THSD7A: variants seen among roughly 807,000 people sequenced by gnomAD.
THSD7A encodes the protein thrombospondin type 1 domain containing 7A, also known as thrombospondin type-1 domain-containing protein 7A.
In THSD7A, 96 loss-of-function variants were observed where a neutral mutation model predicts 231.3. That is an observed-to-expected ratio of 0.41 (90% CI 0.35 to 0.49). THSD7A has a LOEUF of 0.49. Among genes scored for constraint, THSD7A ranks in the 20% least tolerant of loss-of-function variants. THSD7A has a pLI of 0.05. For missense variants in THSD7A, 2,290 were observed against 2,070.2 expected (o/e 1.11, Z -2.06); for synonymous variants, 940 against 743.3 (o/e 1.26, Z -4.30).
intron 16 of THSD7A, among the ~76,000 whole-genome samples, chr7:11,420,060 A>G (rs1025198776): frequency 6.6e-6 from 1 of 152,232 alleles, no homozygotes; most frequent in Non-Finnish European, 1.5e-5. Context: ...ATATTTAAAA[A>G]GTAAGAAGAG....
chr7:11,593,887 C>T (rs776504430), intron 2 of THSD7A, among the ~76,000 whole-genome samples: 1 of 152,030 alleles, frequency 6.6e-6, no homozygotes, highest in Non-Finnish European at 1.5e-5. Flanking sequence ...AGTAAATATG[C>T]CTGCGTAAGT....
intron 1 of THSD7A, among the ~76,000 whole-genome samples, chr7:11,714,120 G>T (rs968744799): frequency 6.6e-6 from 1 of 151,128 alleles, no homozygotes; most frequent in Non-Finnish European, 1.5e-5. Flanking sequence ...GGAAAACGAT[G>T]TTTTCAAGGC....
chr7:11,389,460 T>G (rs1224891788), intron 23 of THSD7A, among the ~76,000 whole-genome samples: 3 of 85,202 alleles, frequency 3.5e-5, no homozygotes, highest in African/African-American at 1.1e-4. Flanking sequence ...TTTTTTTTTT[T>G]GCTATTTGCT....
chr7:11,826,898 G>A (rs1785048290), intron 1 of THSD7A, among the ~76,000 whole-genome samples: 1 of 151,504 alleles, frequency 6.6e-6, no homozygotes, highest in Non-Finnish European at 1.5e-5. Flanking sequence ...TAAATGCTAT[G>A]CCTCTTGTGT....
intron 1 of THSD7A, among the ~76,000 whole-genome samples, chr7:11,737,469 C>A (rs559851313): frequency 6.5e-4 from 99 of 152,074 alleles, no homozygotes; most frequent in African/African-American, 2.1e-3. Context: ...ATGCCTGTGC[C>A]CCGTCCTAGA....
At position 11,814,875 on chromosome 7, in the gene THSD7A, T is replaced by A. The variant is rs963577169; in HGVS notation, c.190+16882A>T. On this transcript the variant is annotated intron_variant, in intron 1 of 27. Coordinates refer to ENST00000423059, the MANE Select transcript of THSD7A (RefSeq NM_015204.3). The surrounding 1 kb of genome is among the most constrained non-coding windows in gnomAD (Gnocchi z 5.1). ...AGTGATTGGATCTTCTGATCTTTGCTGCATTTCTGTGATTATCTGTGCCAG... is the reference window on the plus strand; with the variant it reads ...AGTGATTGGATCTTCTGATCTTTGCAGCATTTCTGTGATTATCTGTGCCAG... Among the ~76,000 whole-genome samples, 2 of 152,132 alleles carry A rather than the reference T, an allele frequency of 1.3e-5. No individual in the cohort carries two copies. The highest frequency in any genetic ancestry group is 1.3e-4 in the Admixed American group (2 of 15,274).
intron 6 of THSD7A, among the ~76,000 whole-genome samples, chr7:11,501,656 T>A (rs563001094): frequency 6.6e-6 from 1 of 152,226 alleles, no homozygotes; most frequent in South Asian, 2.1e-4. Flanking sequence ...TTCATAGCAC[T>A]AAAATGCCCA....
intron 1 of THSD7A, among the ~76,000 whole-genome samples, chr7:11,710,269 G>A (rs1169845237): frequency 5.5e-5 from 8 of 145,566 alleles, no homozygotes; most frequent in Non-Finnish European, 4.6e-5. Context: ...CACTTTACAA[G>A]AAAAAAAAAA....
chr7:11,814,869 C>A lies in THSD7A; in HGVS notation c.190+16888G>T, dbSNP rs142167312. On this transcript the variant is annotated intron_variant, in intron 1 of 27. Coordinates refer to ENST00000423059, the MANE Select transcript of THSD7A (RefSeq NM_015204.3). This position sits in a 1 kb window ranked among gnomAD's most constrained non-coding sequence, Gnocchi z 5.1. ...GATAAGAGTGATTGGATCTTCTGAT[C>A]TTTGCTGCATTTCTGTGATTATCTG... Among the ~76,000 whole-genome samples the A allele has an allele frequency of 6.6e-6, 1 of 152,214 alleles. No individual in the cohort carries two copies. The highest frequency in any genetic ancestry group is 1.9e-4 in the East Asian group (1 of 5,160).
At chr7:11,778,156 C>CAAAA (rs57740181) in intron 1 of THSD7A, among the ~76,000 whole-genome samples, 15,200 of 44,668 alleles carry the variant, frequency 0.34, 3,534 homozygotes, top group Middle Eastern at 0.5. Flanking sequence ...GACTCCGTCT[C>CAAAA]AAAAAAAAAA....
chr7:11,740,414 C>A (rs1322588379), intron 1 of THSD7A, among the ~76,000 whole-genome samples: 3 of 151,970 alleles, frequency 2.0e-5, no homozygotes, highest in Admixed American at 1.3e-4. Flanking sequence ...TCTCCAATAG[C>A]TCCCTTACAT....
rs1336733641 is a variant in THSD7A at position 11,656,766 on chromosome 7, A to G, written c.191-19805T>C. On this transcript the variant is annotated intron_variant, in intron 1 of 27. Coordinates refer to ENST00000423059, the MANE Select transcript of THSD7A (RefSeq NM_015204.3). ...GTCAGAATTACTTCTCTCTTCATTT[A>G]CTCATTACCTTTCTGAGTTGAGAAA... Among the ~76,000 whole-genome samples the G allele has an allele frequency of 2.0e-5, 3 of 151,968 alleles. No homozygotes were observed. In the East Asian group the frequency reaches 5.8e-4, roughly 30 times the overall value.
intron 9 of THSD7A, among the ~76,000 whole-genome samples, 172 bp downstream of exon 9, chr7:11,469,707 T>A (rs1271757381): frequency 6.6e-6 from 1 of 152,160 alleles, no homozygotes; most frequent in East Asian, 1.9e-4. Context: ...TTGTCTGGTA[T>A]TCTAAAGCTA....
intron 1 of THSD7A, among the ~76,000 whole-genome samples, chr7:11,641,266 C>G (rs1782069371): frequency 6.6e-6 from 1 of 152,022 alleles, no homozygotes; most frequent in Admixed American, 6.6e-5. Context: ...CTGTTACATT[C>G]CATGGTTTGA....
At chr7:11,560,276 G>T (rs867002924) in intron 4 of THSD7A, among the ~76,000 whole-genome samples, 4 of 152,252 alleles carry the variant, frequency 2.6e-5, no homozygotes, top group Middle Eastern at 6.8e-3. Context: ...AAGCAGTCAT[G>T]AATATCAGGG....
intron 1 of THSD7A, among the ~76,000 whole-genome samples, chr7:11,710,692 A>G (rs1682933441): frequency 6.6e-6 from 1 of 150,898 alleles, no homozygotes; most frequent in Admixed American, 6.6e-5. Context: ...GAGGAAGAGA[A>G]GTTCTTTATT....
In THSD7A at chr7:11,460,792, G is replaced by A. The variant is rs183441659; in HGVS notation, c.2502-27C>T. The A allele has an allele frequency of 1.1e-4, 175 of 1,588,772 alleles. 3 individuals are homozygous for A. In the Admixed American group the frequency reaches 3.0e-3, roughly 27 times the overall value. The stretch of plus-strand genomic sequence containing the variant: ...TACAAGACAGGAACAGAAGCCCAGT[G>A]GGGAAGAAGCAAAAATGCCAGCAAA... On this transcript the variant is annotated intron_variant, in intron 10 of 27. Coordinates refer to ENST00000423059, the MANE Select transcript of THSD7A (RefSeq NM_015204.3).
At chr7:11,669,373 C>T (rs1277515167) in intron 1 of THSD7A, among the ~76,000 whole-genome samples, 8 of 151,732 alleles carry the variant, frequency 5.3e-5, no homozygotes, top group Admixed American at 3.9e-4. Flanking sequence ...TCTTGTATTA[C>T]ACCATGTGCT....
chr7:11,481,184 A>G (rs1450465106), intron 7 of THSD7A, among the ~76,000 whole-genome samples: 1 of 152,168 alleles, frequency 6.6e-6, no homozygotes, highest in African/African-American at 2.4e-5. Flanking sequence ...TGAGGTCTGA[A>G]TATGTGACAA....
Sources: gnomAD v4.1 joint callset for allele counts (sites outside exome capture counted in the v4.1 genomes callset) on GRCh38, gnomAD v4.1.1 for gene constraint, Gnocchi (gnomAD v3.1) non-coding constraint, MANE v1.5 for transcripts, NCBI Gene and HGNC (gene_info 2026-07-23, HGNC 2026-07-21) for gene names.